The following USP43 variants were observed in gnomAD, a reference collection of about 807,000 sequenced individuals.
USP43 encodes ubiquitin specific peptidase 43.
In USP43, 33 loss-of-function variants were observed where a neutral mutation model predicts 90.7. The observed-to-expected ratio is 0.36, with a 90% CI of 0.28 to 0.49. The LOEUF is 0.49. Among genes scored for constraint, USP43 ranks in the 20% least tolerant of loss-of-function variants. The pLI is 0.98. For missense variants in USP43, 1,274 were observed against 1,476.4 expected (o/e 0.86, Z 2.25); for synonymous variants, 598 against 615.8 (o/e 0.97, Z 0.43).
intron 2 of USP43, among the ~76,000 whole-genome samples, chr17:9,660,939 G>C (rs550646468): frequency 4.6e-5 from 7 of 152,352 alleles, no homozygotes; most frequent in Admixed American, 1.3e-4. Context: ...AGAGAACAGA[G>C]CTGTTGGGAT....
intron 13 of USP43, among the ~76,000 whole-genome samples, chr17:9,711,162 G>A (rs1316427555): frequency 6.6e-6 from 1 of 152,058 alleles, no homozygotes; most frequent in Admixed American, 6.5e-5. Context: ...CATCCTTAAT[G>A]CCCACTGTAA....
At chr17:9,696,173 G>A (rs754223489) in intron 9 of USP43, among the ~76,000 whole-genome samples, 77 of 151,554 alleles carry the variant, frequency 5.1e-4, no homozygotes, top group Middle Eastern at 3.4e-3. Context: ...TCACTCTGTC[G>A]CCCAGGCTGG....
Position 9,645,856 on chromosome 17 carries a change from C to T in USP43, c.224C>T (p.Pro75Leu). Residue 75 changes from proline (P) to leucine (L), a missense_variant, in exon 1 of 15, where the codon CCC (proline) becomes CTC (leucine). Coordinates refer to ENST00000285199, the MANE Select transcript of USP43 (RefSeq NM_153210.5). The surrounding 1 kb of genome is among the most constrained non-coding windows in gnomAD (Gnocchi z 6.8). ...CCAGTTCCAGCGGCCCCCGGGAGCC[C>T]CGGGGAGGAACGCCCGCCCGGACCC... Reference protein sequence around the residue: ...PGPVPAAPGSPGEERPPGPQP... With the variant: ...PGPVPAAPGSLGEERPPGPQP... 2.8e-6 allele frequency: 4 copies of T among 1,416,584 alleles called. No individual in the cohort carries two copies. The highest frequency in any genetic ancestry group is 3.7e-6 in the Non-Finnish European group (4 of 1,091,280). 87.8% of individuals were successfully genotyped at this position (1,416,584 alleles called of 1,614,324 possible). A position where few individuals can be genotyped will look rare whatever the true frequency, so the allele number is the denominator to read the frequency against.
At chr17:9,705,173 T>C (rs931688597) in intron 12 of USP43, among the ~76,000 whole-genome samples, 2 of 152,158 alleles carry the variant, frequency 1.3e-5, no homozygotes, top group African/African-American at 4.8e-5. Context: ...AATTTCTTTA[T>C]GTAAATACAA....
chr17:9,655,872 G>A (rs2151963495), intron 1 of USP43, among the ~76,000 whole-genome samples: 1 of 152,306 alleles, frequency 6.6e-6, no homozygotes, highest in South Asian at 2.1e-4. Flanking sequence ...TACATGCATG[G>A]TGTTTAAGGA....
intron 14 of USP43, among the ~76,000 whole-genome samples, chr17:9,727,153 G>C (rs539065803): frequency 8.5e-5 from 13 of 152,180 alleles, no homozygotes; most frequent in African/African-American, 3.1e-4. Context: ...TTGTATTTTA[G>C]TAGAGATGGG....
rs1194426215 is a variant in USP43, at chr17:9,714,426, A to G, written c.2335+2294A>G. 2.6e-5 allele frequency among the ~76,000 whole-genome samples: 4 copies of G among 152,158 alleles called. 1 individual carries two copies. The highest frequency in any genetic ancestry group is 9.7e-5 in the African/African-American group (4 of 41,432). On this transcript the variant is annotated intron_variant, in intron 14 of 14. Transcript: ENST00000285199. ...GCCGGGCACAGTGGCTCACGCCTGT[A>G]ATCCCAGCACTTTGGGAGGCCGAGG...
At chr17:9,725,206 A>G (rs926175829) in intron 14 of USP43, among the ~76,000 whole-genome samples, 2 of 151,162 alleles carry the variant, frequency 1.3e-5, no homozygotes, top group Non-Finnish European at 2.9e-5. Context: ...CAAAAAGCAC[A>G]TTATGAATGC....
At chr17:9,719,484 T>A (rs1444004954) in intron 14 of USP43, among the ~76,000 whole-genome samples, 2 of 151,996 alleles carry the variant, frequency 1.3e-5, no homozygotes, top group Non-Finnish European at 2.9e-5. Context: ...TTGGGAGAGG[T>A]GACCTTATAG....
chr17:9,725,594 G>A (rs1917221994), intron 14 of USP43, among the ~76,000 whole-genome samples: 1 of 152,196 alleles, frequency 6.6e-6, no homozygotes, highest in Non-Finnish European at 1.5e-5. Context: ...CCCAATAAAT[G>A]GAAGGAGAAT....
intron 12 of USP43, among the ~76,000 whole-genome samples, chr17:9,702,702 G>A (rs546081775): frequency 9.1e-4 from 139 of 152,234 alleles, no homozygotes; most frequent in Non-Finnish European, 1.5e-3. Flanking sequence ...TCTCAGTGAC[G>A]GTGAGAAGCC....
At chr17:9,672,100 G>A (rs868389542) in intron 3 of USP43, among the ~76,000 whole-genome samples, 1 of 152,066 alleles carries the variant, frequency 6.6e-6, no homozygotes, top group Non-Finnish European at 1.5e-5. Flanking sequence ...GGGTGCAAGC[G>A]ATTCTTCTGC....
rs1229405243 is a variant in USP43, at chr17:9,709,006, A to G, written c.2012-950A>G. Among the ~76,000 whole-genome samples the G allele has an allele frequency of 1.3e-5, 2 of 152,318 alleles. No individual in the cohort carries two copies. Among genetic ancestry groups the G allele is most frequent in the East Asian group, 1.9e-4 (1 of 5,170 alleles). Reference sequence around the variant, plus strand: ...TTTTAAAAGTGGGAGAAAGACACGCAGAATATGCGACAGAGAATATATGTG... The same window carrying G: ...TTTTAAAAGTGGGAGAAAGACACGCGGAATATGCGACAGAGAATATATGTG... On this transcript the variant is annotated intron_variant, in intron 12 of 14. Coordinates refer to ENST00000285199, the MANE Select transcript of USP43 (RefSeq NM_153210.5). The surrounding 1 kb of genome is among the most constrained non-coding windows in gnomAD (Gnocchi z 5.0).
chr17:9,657,057 A>C (rs1361093616), intron 2 of USP43, among the ~76,000 whole-genome samples: 1 of 152,220 alleles, frequency 6.6e-6, no homozygotes, highest in African/African-American at 2.4e-5. Flanking sequence ...ATTTGTCATA[A>C]GCACAGCTAA....
At position 9,729,616 on chromosome 17, in the gene USP43, T is replaced by C. The variant is rs1044582845; in HGVS notation, c.*626T>C. On this transcript the variant is annotated 3_prime_UTR_variant, in exon 15 of 15. Coordinates refer to ENST00000285199, the MANE Select transcript of USP43 (RefSeq NM_153210.5). ...ATTTTAAAAATAACTATTTTGATAC[T>C]AGAAAAAAAGTCCATTTTTTAATTT... 6.6e-6 allele frequency: 1 copy of C among 152,152 alleles called. No homozygotes were observed. The allele number at this position is 152,152 out of a possible 1,614,324, so 9.4% of individuals were successfully genotyped here.
At chr17:9,667,563 G>A (rs1913119872) in intron 3 of USP43, among the ~76,000 whole-genome samples, 1 of 152,188 alleles carries the variant, frequency 6.6e-6, no homozygotes, top group Non-Finnish European at 1.5e-5. Flanking sequence ...AGCAGTGAAA[G>A]GTCAGAGAGG....
chr17:9,676,993 C>A (rs1010613291), intron 5 of USP43, 112 bp downstream of exon 5: 4 of 1,364,826 alleles, frequency 2.9e-6, no homozygotes, highest in African/African-American at 1.5e-5. Flanking sequence ...CAGTATGACT[C>A]ATGGGTTTCT....
chr17:9,694,272 G>T (rs1036148060), intron 9 of USP43, among the ~76,000 whole-genome samples: 1 of 152,152 alleles, frequency 6.6e-6, no homozygotes, highest in Non-Finnish European at 1.5e-5. Flanking sequence ...AAGGTTCTGT[G>T]ACCTACACCC....
chr17:9,728,214 C>T lies in USP43; in HGVS notation c.2596C>T (p.Pro866Ser). 2 of 1,613,894 alleles carry T rather than the reference C, an allele frequency of 1.2e-6. No homozygotes were observed. The highest frequency in any genetic ancestry group is 1.7e-6 in the Non-Finnish European group (2 of 1,179,880). ...GGGTGAGGATGAGAAGTCAGCATCG[C>T]CGAGGTCCAACGTCGCCCTTCCTGC... ...TAGEDEKSAS[P>S]RSNVALPANS... Residue 866 changes from proline (P) to serine (S), a missense_variant, in exon 15 of 15, where the codon CCG (proline) becomes TCG (serine). This residue lies in a region of USP43 where 285 missense variants were observed against 349.6 expected (regional missense o/e 0.82). Transcript: ENST00000285199. This position sits in a 1 kb window ranked among gnomAD's most constrained non-coding sequence, Gnocchi z 6.2.
Sources: allele counts gnomAD v4.1 joint callset (sites outside exome capture counted in the v4.1 genomes callset), GRCh38; gene constraint gnomAD v4.1.1; regional missense constraint gnomAD v4.1.1; non-coding constraint Gnocchi (gnomAD v3.1); transcripts MANE v1.5; gene names NCBI Gene and HGNC (gene_info 2026-07-23, HGNC 2026-07-21).